Variants in CNTN5 observed in about 807,000 individuals in gnomAD.
CNTN5 encodes the protein contactin 5, also known as contactin-5.
CNTN5 carries 77 observed loss-of-function variants against 129.1 expected under a neutral mutation model. The observed-to-expected ratio is 0.60, with a 90% confidence interval of 0.50 to 0.72. The LOEUF (loss-of-function observed/expected upper bound fraction) is 0.72. CNTN5 is among the 30% of genes least tolerant of loss of function. The probability of loss-of-function intolerance (pLI) is 0.00; values close to 1 mark genes in which losing one functional copy is unlikely to be tolerated. For synonymous variants in CNTN5, 509 were observed against 465.6 expected (o/e 1.09, Z -1.20); for missense variants, 1,478 against 1,328.8 (o/e 1.11, Z -1.75).
chr11:99,549,398 G>A lies in CNTN5; in HGVS notation c.-70-6747G>A, dbSNP rs565617957. Among the ~76,000 whole-genome samples the A allele has an allele frequency of 6.0e-4, 92 of 152,150 alleles. 4 individuals carry two copies. In the South Asian group the frequency reaches 0.017, roughly 27 times the overall value. On this transcript the variant is annotated intron_variant, in intron 2 of 24. Coordinates refer to ENST00000524871, the MANE Select transcript of CNTN5 (RefSeq NM_014361.4). ...GATTCTCCTATTTGATTACCCAGCT[G>A]TGTGGGCCCTAGGCTTTGGTTTTGG...
At chr11:99,506,676 T>C (rs2726417) in intron 2 of CNTN5, among the ~76,000 whole-genome samples, 28,221 of 152,214 alleles carry the variant, frequency 0.19, 3,026 homozygotes, top group Middle Eastern at 0.33. Context: ...TTCAATGTAG[T>C]AACGTAAATA....
chr11:100,320,447 T>C (rs979233739), intron 21 of CNTN5, among the ~76,000 whole-genome samples: 1 of 152,206 alleles, frequency 6.6e-6, no homozygotes, highest in Non-Finnish European at 1.5e-5. Flanking sequence ...GTTAATCCCT[T>C]ATCAAATGTA....
At chr11:99,360,886 A>C (rs1476571549) in intron 2 of CNTN5, among the ~76,000 whole-genome samples, 3 of 152,124 alleles carry the variant, frequency 2.0e-5, no homozygotes, top group African/African-American at 7.2e-5. Context: ...AAATTTTATC[A>C]ATTCATTTCT....
intron 13 of CNTN5, among the ~76,000 whole-genome samples, chr11:100,085,261 T>C (rs1339049782): frequency 6.6e-6 from 1 of 151,994 alleles, no homozygotes; most frequent in Non-Finnish European, 1.5e-5. Flanking sequence ...TTCTGGAGTA[T>C]CTGGTATCAA....
At chr11:99,516,893 T>A (rs1947074567) in intron 2 of CNTN5, among the ~76,000 whole-genome samples, 1 of 152,142 alleles carries the variant, frequency 6.6e-6, no homozygotes, top group Admixed American at 6.6e-5. Context: ...GGATTTGTTT[T>A]AATCCCAACA....
intron 2 of CNTN5, among the ~76,000 whole-genome samples, chr11:99,394,407 G>A (rs1941415421): frequency 6.6e-6 from 1 of 151,470 alleles, no homozygotes; most frequent in African/African-American, 2.4e-5. Context: ...CCTCCAAACT[G>A]TAAAATAAAC....
At chr11:99,854,047 C>T (rs1420999947) in intron 6 of CNTN5, among the ~76,000 whole-genome samples, 1 of 152,126 alleles carries the variant, frequency 6.6e-6, no homozygotes, top group Non-Finnish European at 1.5e-5. Context: ...TACTCATTAT[C>T]TGATCCCTCT....
intron 2 of CNTN5, among the ~76,000 whole-genome samples, chr11:99,340,902 C>T (rs544065410): frequency 2.0e-4 from 30 of 152,198 alleles, no homozygotes; most frequent in Non-Finnish European, 3.4e-4. Flanking sequence ...TTTCAGGCTG[C>T]TAACTGTCAA....
chr11:99,185,715 G>A (rs1439680400), intron 1 of CNTN5, among the ~76,000 whole-genome samples: 1 of 151,602 alleles, frequency 6.6e-6, no homozygotes, highest in Non-Finnish European at 1.5e-5. Flanking sequence ...GTACTTAGTT[G>A]GAGCTGAAAG....
chr11:99,057,435 T>C (rs117404696), intron 1 of CNTN5, among the ~76,000 whole-genome samples: 1,799 of 151,914 alleles, frequency 0.012, 31 homozygotes, highest in Middle Eastern at 0.044. Flanking sequence ...TCTAAGTGTG[T>C]TTTTAACAAC....
At chr11:100,235,834 G>T (rs899482952) in intron 16 of CNTN5, among the ~76,000 whole-genome samples, 2 of 152,036 alleles carry the variant, frequency 1.3e-5, no homozygotes, top group African/African-American at 4.8e-5. Context: ...ATTACTTACT[G>T]CCCACTCACT....
chr11:99,646,945 C>A (rs560145995), intron 3 of CNTN5, among the ~76,000 whole-genome samples: 2 of 151,920 alleles, frequency 1.3e-5, no homozygotes, highest in East Asian at 3.9e-4. Context: ...AATTCCCTGT[C>A]AGATGAATAG....
intron 13 of CNTN5, among the ~76,000 whole-genome samples, chr11:100,090,478 T>TCC (rs201829048): frequency 0.25 from 26,478 of 105,310 alleles, 3,632 homozygotes; most frequent in East Asian, 0.41. Context: ...TTTTTCTCTC[T>TCC]TTCCCTCCCT....
intron 8 of CNTN5, among the ~76,000 whole-genome samples, chr11:99,980,223 C>T (rs185545996): frequency 6.6e-6 from 1 of 152,276 alleles, no homozygotes; most frequent in Admixed American, 6.5e-5. Flanking sequence ...ATTTAAAAAT[C>T]CAATTACCAG....
chr11:100,329,470 C>T (rs1344593371), intron 21 of CNTN5, among the ~76,000 whole-genome samples: 4 of 152,212 alleles, frequency 2.6e-5, no homozygotes, highest in Non-Finnish European at 4.4e-5. Context: ...TATAGGACTG[C>T]AGCTGGTGTG....
chr11:100,211,607 C>G lies in CNTN5; in HGVS notation c.1885-13085C>G, dbSNP rs563546734. 2.0e-5 allele frequency among the ~76,000 whole-genome samples: 3 copies of G among 152,216 alleles called. No individual in the cohort carries two copies. In the East Asian group the frequency reaches 5.8e-4, roughly 29 times the overall value. The stretch of plus-strand genomic sequence containing the variant: ...ATAGAAGGCAATCTTCACTTGGACA[C>G]AACTTAAGAAGAGCTGCTTATCAGG... On this transcript the variant is annotated intron_variant, in intron 15 of 24. Transcript: ENST00000524871.
chr11:99,503,739 G>T (rs1285926789), intron 2 of CNTN5, among the ~76,000 whole-genome samples: 1 of 151,952 alleles, frequency 6.6e-6, no homozygotes, highest in East Asian at 1.9e-4. Context: ...CAGATAAATA[G>T]ATCTATATCT....
intron 3 of CNTN5, among the ~76,000 whole-genome samples, chr11:99,817,871 A>G (rs965721945): frequency 4.6e-5 from 7 of 152,094 alleles, no homozygotes; most frequent in African/African-American, 1.7e-4. Context: ...AAATTGATCC[A>G]CCTTCATCAG....
At chr11:99,162,989 AT>A (rs1308719626) in intron 1 of CNTN5, among the ~76,000 whole-genome samples, 1 of 152,178 alleles carries the variant, frequency 6.6e-6, no homozygotes, top group African/African-American at 2.4e-5. Flanking sequence ...TTAATTTGAT[AT>A]GCGACACTCT....
Sources: gnomAD v4.1 joint callset for allele counts (sites outside exome capture counted in the v4.1 genomes callset) on GRCh38, gnomAD v4.1.1 for gene constraint, MANE v1.5 for transcripts, NCBI Gene and HGNC (gene_info 2026-07-23, HGNC 2026-07-21) for gene names.